The following ISX variants were observed in gnomAD, a reference collection of about 807,000 sequenced individuals.
ISX encodes the protein intestine specific homeobox.
In ISX, 15 loss-of-function variants were observed where a neutral mutation model predicts 16.9. The observed-to-expected ratio is 0.89, with a 90% CI of 0.59 to 1.36. ISX has a LOEUF of 1.36. ISX is among the 40% of genes most tolerant of loss of function. The probability of loss-of-function intolerance (pLI) is 0.00; values close to 1 mark genes in which losing one functional copy is unlikely to be tolerated. For missense variants in ISX, 316 were observed against 306.1 expected (o/e 1.03, Z -0.24); for synonymous variants, 125 against 119.7 (o/e 1.04, Z -0.29).
In ISX at chr22:35,085,515, C is replaced by A. The variant is rs200292559; in HGVS notation, c.560C>A (p.Ser187Ter). ...GCTCCTCCCACGAGCTGTTGTCCAT[C>A]GGCTCAAGATCAGCTGGCCTCTGCC... ...RLAPPTSCCP[S>*]AQDQLASAWF... The change falls in exon 5 of 5, where the codon TCG becomes TAG. Residue 187 changes from serine (S) to a stop codon, truncating the protein, a stop_gained. Coordinates refer to ENST00000404699, the MANE Select transcript of ISX (RefSeq NM_001303508.2). LOFTEE classifies it low-confidence loss of function (END_TRUNC). The A allele has an allele frequency of 3.1e-6, 5 of 1,614,186 alleles. No individual in the cohort carries two copies. The highest frequency in any genetic ancestry group is 1.6e-4 in the Middle Eastern group (1 of 6,062).
chr22:35,082,965 G>A (rs781017670), intron 3 of ISX, among the ~76,000 whole-genome samples: 9 of 152,146 alleles, frequency 5.9e-5, no homozygotes, highest in Non-Finnish European at 1.0e-4. Flanking sequence ...CGTTCACAAT[G>A]CAGCCTCATT....
chr22:35,073,264 A>G (rs1437612345), intron 2 of ISX, among the ~76,000 whole-genome samples: 1 of 152,144 alleles, frequency 6.6e-6, no homozygotes, highest in Non-Finnish European at 1.5e-5. Flanking sequence ...GACAGCCACT[A>G]CGGTACTGAG....
At chr22:35,079,675 T>G (rs543830739) in intron 2 of ISX, among the ~76,000 whole-genome samples, 7 of 152,280 alleles carry the variant, frequency 4.6e-5, no homozygotes, top group African/African-American at 1.7e-4. Flanking sequence ...GCGGTTTTTC[T>G]TACAAGGAAT....
rs777734463 is a variant in ISX at position 35,085,482 on chromosome 22, G to T, written c.527G>T (p.Arg176Leu). ...CCCACGTGGACATCCACTGCTCTGCGCAGGCTGGCTCCTCCCACGAGCTGT... is the reference window on the plus strand; with the variant it reads ...CCCACGTGGACATCCACTGCTCTGCTCAGGCTGGCTCCTCCCACGAGCTGT... Reference protein sequence around the residue: ...AGPTWTSTALRRLAPPTSCCP... With the variant: ...AGPTWTSTALLRLAPPTSCCP... Residue 176 changes from arginine (R) to leucine (L), a missense_variant, in exon 5 of 5, where the codon CGC (arginine) becomes CTC (leucine). Physicochemically the swap from Arg to Leu is moderately radical, Grantham distance 102. Coordinates refer to ENST00000404699, the MANE Select transcript of ISX (RefSeq NM_001303508.2). 6.2e-7 allele frequency: 1 copy of T among 1,614,134 alleles called. No individual in the cohort carries two copies. Among genetic ancestry groups the T allele is most frequent in the East Asian group, 2.2e-5 (1 of 44,868 alleles).
chr22:35,083,650 A>G (rs1929176486), intron 3 of ISX, among the ~76,000 whole-genome samples: 2 of 152,232 alleles, frequency 1.3e-5, no homozygotes, highest in South Asian at 4.1e-4. Flanking sequence ...TGATGGACTC[A>G]TTCTAATTCA....
At chr22:35,068,178 G>A (rs1398054754) in intron 2 of ISX, among the ~76,000 whole-genome samples, 2 of 152,230 alleles carry the variant, frequency 1.3e-5, no homozygotes, top group African/African-American at 4.8e-5. Flanking sequence ...CAAGGGCCTT[G>A]TCAGTCTGAC....
rs186948177 is a variant in ISX, at chr22:35,082,046, G to A, written c.230-472G>A. Among the ~76,000 whole-genome samples, 30 of 152,308 alleles carry A rather than the reference G, an allele frequency of 2.0e-4. No homozygotes were observed. In the East Asian group the frequency reaches 5.8e-3, roughly 29 times the overall value. ...ACACTTTTTCTATGAAGAACCAGCT[G>A]GTAATTACTTTAGTCTTTGCAGGCC... On this transcript the variant is annotated intron_variant, in intron 2 of 4. Transcript: ENST00000404699.
At position 35,085,572 on chromosome 22, in the gene ISX, C is replaced by A; in HGVS notation, c.617C>A (p.Ala206Glu). 1 of 1,614,222 alleles carries A rather than the reference C, an allele frequency of 6.2e-7. No individual in the cohort carries two copies. The highest frequency in any genetic ancestry group is 8.5e-7 in the Non-Finnish European group (1 of 1,180,042). ...WFPAWITLLPAHPWETQPVPG... is the reference protein window; with the variant it reads ...WFPAWITLLPEHPWETQPVPG... ...CCTGCCTGGATCACCCTCCTCCCAGCGCACCCATGGGAAACACAGCCTGTC... is the reference window on the plus strand; with the variant it reads ...CCTGCCTGGATCACCCTCCTCCCAGAGCACCCATGGGAAACACAGCCTGTC... The change falls in exon 5 of 5, where the codon GCG becomes GAG. Residue 206 changes from alanine to glutamate, a missense_variant. Coordinates refer to ENST00000404699, the MANE Select transcript of ISX (RefSeq NM_001303508.2).
chr22:35,076,872 T>A (rs933177410), intron 2 of ISX, among the ~76,000 whole-genome samples: 1 of 152,334 alleles, frequency 6.6e-6, no homozygotes, highest in South Asian at 2.1e-4. Flanking sequence ...GCTTGCACCA[T>A]TAACAACGGG....
rs1929272061 is a variant in ISX at position 35,087,004 on chromosome 22, A to G, written c.*1311A>G. The G allele has an allele frequency of 6.6e-6, 1 of 152,270 alleles. No homozygotes were observed. Among genetic ancestry groups the G allele is most frequent in the Non-Finnish European group, 1.5e-5 (1 of 68,090 alleles). The allele number at this position is 152,270 out of a possible 1,614,324, so 9.4% of individuals were successfully genotyped here. A position where few individuals can be genotyped will look rare whatever the true frequency, so the allele number is the denominator to read the frequency against. On this transcript the variant is annotated 3_prime_UTR_variant, in exon 5 of 5. Coordinates refer to ENST00000404699, the MANE Select transcript of ISX (RefSeq NM_001303508.2). ...CCAGGAGTTGGACCGGGAGTTGGGAAGCCTAGGTCTTAGTCCTACACTCCT... is the reference window on the plus strand; with the variant it reads ...CCAGGAGTTGGACCGGGAGTTGGGAGGCCTAGGTCTTAGTCCTACACTCCT...
chr22:35,085,461 C>G lies in ISX; in HGVS notation c.506C>G (p.Thr169Arg), dbSNP rs377316654. The G allele has an allele frequency of 1.9e-6, 3 of 1,614,210 alleles. No homozygotes were observed. Among genetic ancestry groups the G allele is most frequent in the African/African-American group, 1.3e-5 (1 of 75,050 alleles). Residue 169 changes from threonine to arginine, a missense_variant, in exon 5 of 5, where the codon ACG becomes AGG. By Grantham distance (71) the Thr-to-Arg change is moderately conservative. Coordinates refer to ENST00000404699, the MANE Select transcript of ISX (RefSeq NM_001303508.2). ...GACCTCTCCTTGTGACAGGGGCCCA[C>G]GTGGACATCCACTGCTCTGCGCAGG... ...LPTNLDVAGPTWTSTALRRLA... is the reference protein window; with the variant it reads ...LPTNLDVAGPRWTSTALRRLA...
intron 2 of ISX, among the ~76,000 whole-genome samples, chr22:35,068,938 C>A (rs1022858391): frequency 1.7e-4 from 26 of 152,156 alleles, no homozygotes; most frequent in African/African-American, 6.0e-4. Context: ...TAGAATTGAA[C>A]CCTGGTGGCC....
chr22:35,075,867 T>C (rs4435549), intron 2 of ISX, among the ~76,000 whole-genome samples: 64,034 of 151,962 alleles, frequency 0.42, 14,326 homozygotes, highest in Non-Finnish European at 0.51. Context: ...CTCTTTCCAC[T>C]TTGCTGTTTT....
intron 2 of ISX, among the ~76,000 whole-genome samples, chr22:35,069,363 A>C (rs1928790065): frequency 6.6e-6 from 1 of 152,266 alleles, no homozygotes; most frequent in East Asian, 1.9e-4. Context: ...GGGTTTCAGG[A>C]AACCTACCCT....
intron 2 of ISX, among the ~76,000 whole-genome samples, chr22:35,078,630 C>T (rs1408175359): frequency 7.8e-6 from 1 of 128,122 alleles, no homozygotes; most frequent in African/African-American, 2.7e-5. Flanking sequence ...TCCCAAGAAG[C>T]TTCCAAAAAT....
At chr22:35,079,001 G>A (rs981883781) in intron 2 of ISX, among the ~76,000 whole-genome samples, 1 of 152,188 alleles carries the variant, frequency 6.6e-6, no homozygotes, top group South Asian at 2.1e-4. Context: ...CCAGAATGTG[G>A]CACAAGTTGC....
intron 2 of ISX, 136 bp downstream of exon 2, chr22:35,067,452 T>G: frequency 1.5e-6 from 1 of 651,726 alleles, no homozygotes; most frequent in East Asian, 2.7e-5. Flanking sequence ...GGCTCTGGGC[T>G]GGTTTCCTGA....
chr22:35,079,773 T>C (rs1929080042), intron 2 of ISX, among the ~76,000 whole-genome samples: 1 of 151,942 alleles, frequency 6.6e-6, no homozygotes, highest in Admixed American at 6.6e-5. Flanking sequence ...GGGGAGAGGG[T>C]TTGTGCCTTT....
Position 35,068,369 on chromosome 22 carries a change from G to T in ISX, c.229+1053G>T, listed in dbSNP as rs1928762992. On this transcript the variant is annotated intron_variant, in intron 2 of 4. Coordinates refer to ENST00000404699, the MANE Select transcript of ISX (RefSeq NM_001303508.2). ...CTCCCATGGAGGGAGCTGATGAGGG[G>T]TCGCACTCAGCTGCAGGCATGAGGA... 2.0e-5 allele frequency among the ~76,000 whole-genome samples: 3 copies of T among 152,328 alleles called. No individual in the cohort carries two copies. The South Asian group carries it at 6.2e-4, about 32-fold the overall frequency.
Sources: gnomAD v4.1 joint callset for allele counts (sites outside exome capture counted in the v4.1 genomes callset) on GRCh38, gnomAD v4.1.1 for gene constraint, MANE v1.5 for transcripts, NCBI Gene and HGNC (gene_info 2026-07-23, HGNC 2026-07-21) for gene names.